Variants in NECTIN3 observed in about 807,000 individuals in gnomAD.
NECTIN3 encodes nectin-3.
Under a neutral mutation model 49.4 loss-of-function variants are expected in NECTIN3, and 8 were observed. The ratio of observed to expected loss-of-function variants is 0.16; its 90% CI spans 0.10 to 0.29. The LOEUF is 0.29. Among genes scored for constraint, NECTIN3 ranks in the 10% least tolerant of loss-of-function variants. The pLI is 1.00. For synonymous variants in NECTIN3, 277 were observed against 241.1 expected, an observed-to-expected ratio of 1.15 and a Z score of -1.38; for missense variants, 581 against 654.6, an observed-to-expected ratio of 0.89 and a Z score of 1.23.
chr3:111,124,154 A>C (rs181379531), intron 4 of NECTIN3, among the ~76,000 whole-genome samples: 81 of 152,310 alleles, frequency 5.3e-4, no homozygotes, highest in African/African-American at 1.8e-3. Context: ...AATGGGAAGC[A>C]GTCATTAGTT....
chr3:111,171,738 A>G (rs1023651231), intron 7 of NECTIN3, among the ~76,000 whole-genome samples: 14 of 152,116 alleles, frequency 9.2e-5, no homozygotes, highest in African/African-American at 3.1e-4. Flanking sequence ...AAACAGTTCA[A>G]AGATACACAT....
intron 1 of NECTIN3, among the ~76,000 whole-genome samples, chr3:111,103,649 G>T (rs1477846): frequency 0.8 from 121,574 of 151,812 alleles, 51,614 homozygotes; most frequent in Non-Finnish European, 0.94. Flanking sequence ...TGCCTTTTCT[G>T]GTCTTATTAC....
Position 111,135,161 on chromosome 3 carries a change from T to G in NECTIN3, c.*946T>G. ...TCTATAGAAAGAATTTTATGGACCA[T>G]CTTGTTTTAGTTATTTAATGTTGAT... On this transcript the variant is annotated 3_prime_UTR_variant, in exon 6 of 6. Coordinates refer to ENST00000485303, the MANE Select transcript of NECTIN3 (RefSeq NM_015480.3). 4 of 982,520 alleles carry G rather than the reference T, an allele frequency of 4.1e-6. No individual in the cohort carries two copies. Among genetic ancestry groups the G allele is most frequent in the Non-Finnish European group, 4.8e-6 (4 of 827,418 alleles). 60.9% of individuals were successfully genotyped at this position (982,520 alleles called of 1,614,324 possible).
At chr3:111,089,768 G>T (rs908998379) in intron 1 of NECTIN3, among the ~76,000 whole-genome samples, 1 of 152,030 alleles carries the variant, frequency 6.6e-6, no homozygotes, top group Admixed American at 6.5e-5. Context: ...ATGTGTATAT[G>T]AGTTAGATCG....
At chr3:111,077,633 A>G (rs1455402669) in intron 1 of NECTIN3, among the ~76,000 whole-genome samples, 1 of 152,132 alleles carries the variant, frequency 6.6e-6, no homozygotes, top group Non-Finnish European at 1.5e-5. Context: ...GTGGAGTCCA[A>G]GGGTTGGGAC....
intron 7 of NECTIN3, among the ~76,000 whole-genome samples, chr3:111,171,657 C>G (rs2107526825): frequency 6.6e-6 from 1 of 151,886 alleles, no homozygotes; most frequent in South Asian, 2.1e-4. Context: ...CATTTGAAAC[C>G]TATTTATAGA....
intron 1 of NECTIN3, among the ~76,000 whole-genome samples, chr3:111,083,596 G>T (rs1262830397): frequency 1.3e-5 from 2 of 152,200 alleles, no homozygotes; most frequent in Non-Finnish European, 2.9e-5. Context: ...CTGTAACAAA[G>T]AGTGTAAGCC....
chr3:111,143,022 C>A (rs2034787993), intron 5 of NECTIN3, among the ~76,000 whole-genome samples: 1 of 151,802 alleles, frequency 6.6e-6, no homozygotes, highest in South Asian at 2.1e-4. Flanking sequence ...ATTGCATAAC[C>A]TTAATAGTTT....
At chr3:111,184,200 T>C (rs1433407375) in intron 7 of NECTIN3, among the ~76,000 whole-genome samples, 1 of 152,188 alleles carries the variant, frequency 6.6e-6, no homozygotes, top group East Asian at 1.9e-4. Flanking sequence ...GTCTTTTTTA[T>C]AGTTGTCAAC....
At chr3:111,174,972 G>A (rs2035500729) in intron 7 of NECTIN3, among the ~76,000 whole-genome samples, 1 of 152,088 alleles carries the variant, frequency 6.6e-6, no homozygotes, top group East Asian at 1.9e-4. Flanking sequence ...GGACTTGAAG[G>A]ATGAATGCAG....
At position 111,075,693 on chromosome 3, in the gene NECTIN3, A is replaced by G. The variant is rs2031138357; in HGVS notation, c.160+3516A>G. The stretch of plus-strand genomic sequence containing the variant: ...AGTCTTAGCCCAGTGATCTTCAAAT[A>G]TTTGTTAAATTTACTTTATATAAAT... On this transcript the variant is annotated intron_variant, in intron 1 of 5. Transcript: ENST00000485303. Among the ~76,000 whole-genome samples, 2 of 152,142 alleles carry G rather than the reference A, an allele frequency of 1.3e-5. 1 individual carries two copies. Among genetic ancestry groups the G allele is most frequent in the Non-Finnish European group, 2.9e-5 (2 of 68,004 alleles).
rs1476097724 is a variant in NECTIN3 at position 111,147,589 on chromosome 3, A to AAT, written c.1221+105_1221+106insAT. The AAT allele has an allele frequency of 1.2e-5, 12 of 978,562 alleles. No individual in the cohort carries two copies. In the African/African-American group the frequency reaches 1.3e-4, roughly 11 times the overall value. 60.6% of individuals were successfully genotyped at this position (978,562 alleles called of 1,614,324 possible). On this transcript the variant is annotated intron_variant, in intron 7 of 8. Coordinates refer to the NECTIN3 transcript ENST00000493615. ...AATGTTGTTTAGTCATTATGCATTAAGTGTTGTTTAGTCATTATGCATTAA... is the reference window on the plus strand; with the variant it reads ...AATGTTGTTTAGTCATTATGCATTAAATGTGTTGTTTAGTCATTATGCATTAA...
chr3:111,116,558 T>G (rs2033696737), intron 2 of NECTIN3, among the ~76,000 whole-genome samples: 1 of 152,092 alleles, frequency 6.6e-6, no homozygotes, highest in Non-Finnish European at 1.5e-5. Flanking sequence ...CATTAGAGTT[T>G]CAATGGAGTG....
chr3:111,150,181 AATG>A (rs1244407293), intron 7 of NECTIN3, among the ~76,000 whole-genome samples: 2 of 152,130 alleles, frequency 1.3e-5, no homozygotes, highest in South Asian at 2.1e-4. Context: ...CTCTACTGAG[AATG>A]ATAATAGTAA....
upstream of NECTIN3, among the ~76,000 whole-genome samples, chr3:111,189,493 T>C (rs1453369782): frequency 1.3e-5 from 2 of 152,188 alleles, no homozygotes; most frequent in Non-Finnish European, 2.9e-5. Flanking sequence ...TTCTCATGGC[T>C]TAGGAAATTC....
chr3:111,130,959 T>C (rs56111816), intron 5 of NECTIN3, among the ~76,000 whole-genome samples: 8,515 of 152,166 alleles, frequency 0.056, 326 homozygotes, highest in Non-Finnish European at 0.081. Context: ...AAAACTCTTA[T>C]TCCTGTGCAC....
At chr3:111,140,318 A>ATGTAAATATATTTTAACTGGTCTGC (rs2034710468), downstream of NECTIN3, among the ~76,000 whole-genome samples, 1 of 151,602 alleles carries the variant, frequency 6.6e-6, no homozygotes, top group African/African-American at 2.4e-5. Flanking sequence ...TAATGAGTAA[A>ATGTAAATATATTTTAACTGGTCTGC]TGTAAATATA....
chr3:111,112,038 G>C lies in NECTIN3; in HGVS notation c.169G>C (p.Ala57Pro). The stretch of plus-strand genomic sequence containing the variant: ...TTTTTTTTCCTCCATAGGTGCCTTA[G>C]CTGGACCAATTATTGTGGAGCCACA... ...LLFSRLCGAL[A>P]GPIIVEPHVT... The change falls in exon 2 of 6, where the codon GCT becomes CCT. Residue 57 changes from alanine (A) to proline (P), a missense_variant. By Grantham distance (27) the Ala-to-Pro change is conservative. Transcript: ENST00000485303. 1 of 1,606,442 alleles carries C rather than the reference G, an allele frequency of 6.2e-7. No individual in the cohort carries two copies. The highest frequency in any genetic ancestry group is 8.5e-7 in the Non-Finnish European group (1 of 1,175,452).
intron 6 of NECTIN3, among the ~76,000 whole-genome samples, chr3:111,146,470 T>A (rs1018265980): frequency 6.6e-6 from 1 of 151,900 alleles, no homozygotes; most frequent in Non-Finnish European, 1.5e-5. Flanking sequence ...TAGCATGTGG[T>A]TAACTTAATT....
Sources: gnomAD v4.1 joint callset for allele counts (sites outside exome capture counted in the v4.1 genomes callset) on GRCh38, gnomAD v4.1.1 for gene constraint, MANE v1.5 for transcripts, NCBI Gene and HGNC (gene_info 2026-07-23, HGNC 2026-07-21) for gene names.